Variants in KCND2 observed in about 807,000 individuals in gnomAD.
KCND2 encodes the protein potassium voltage-gated channel subfamily D member 2, also known as A-type voltage-gated potassium channel KCND2.
Under a neutral mutation model 54.4 loss-of-function variants are expected in KCND2, and 16 were observed. The observed-to-expected ratio is 0.29, with a 90% CI of 0.20 to 0.45. The LOEUF (loss-of-function observed/expected upper bound fraction) is 0.45, where lower values mean the gene tolerates loss of function less well. Ranked by LOEUF, KCND2 falls within the 20% of genes least tolerant of loss-of-function variation. The pLI is 1.00. For missense variants in KCND2, 486 were observed against 824.2 expected, an observed-to-expected ratio of 0.59 and a Z score of 5.02; for synonymous variants, 317 against 310.7, an observed-to-expected ratio of 1.02 and a Z score of -0.21.
Position 120,404,767 on chromosome 7 carries a change from G to T in KCND2, c.1115+129020G>T, listed in dbSNP as rs200287981. On this transcript the variant is annotated intron_variant, in intron 1 of 5. Coordinates refer to ENST00000331113, the MANE Select transcript of KCND2 (RefSeq NM_012281.3). ...TTCTCTTTGATTAGCACTGATTTTT[G>T]GGGGGGGACCTTTGTGAATTTGTCT... 7.1e-3 allele frequency among the ~76,000 whole-genome samples: 457 copies of T among 64,596 alleles called. 10 individuals are homozygous for T. The East Asian group carries it at 0.27, about 38-fold the overall frequency. The allele number at this position is 64,596 out of a possible 152,430, so 42.4% of individuals were successfully genotyped here.
intron 1 of KCND2, among the ~76,000 whole-genome samples, chr7:120,677,558 T>TATAGATATAGATAG (rs1554384992): frequency 0.018 from 2,602 of 143,860 alleles, 51 homozygotes; most frequent in African/African-American, 0.055. Context: ...GATATATAGA[T>TATAGATATAGATAG]ATATAGATAT....
At chr7:120,468,825 T>A (rs1213293785) in intron 1 of KCND2, among the ~76,000 whole-genome samples, 1 of 152,156 alleles carries the variant, frequency 6.6e-6, no homozygotes, top group Non-Finnish European at 1.5e-5. Context: ...CCTGGAAACC[T>A]GTCATAATGC....
In KCND2 at chr7:120,627,299, A is replaced by G. The variant is rs569355559; in HGVS notation, c.1116-105604A>G. 5.1e-4 allele frequency among the ~76,000 whole-genome samples: 77 copies of G among 152,290 alleles called. 1 individual carries two copies. The Middle Eastern group carries it at 0.01, about 20-fold the overall frequency. On this transcript the variant is annotated intron_variant, in intron 1 of 5. Transcript: ENST00000331113. ...TTAATATTCTACTTTCAATATAATT[A>G]TTTTTAAAATGAATATGAGAATAAA... is the stretch of plus-strand genomic sequence containing the variant.
intron 1 of KCND2, among the ~76,000 whole-genome samples, chr7:120,725,360 T>C (rs1187597170): frequency 2.6e-5 from 4 of 152,210 alleles, no homozygotes; most frequent in Non-Finnish European, 1.5e-5. Flanking sequence ...TACTTATCTT[T>C]GTAAAAGAAA....
At position 120,274,524 on chromosome 7, in the gene KCND2, C is replaced by T. The variant is rs957738675; in HGVS notation, c.-109C>T. On this transcript the variant is annotated 5_prime_UTR_variant, in exon 1 of 6. It adds an upstream start codon to the 5' untranslated region. Transcript: ENST00000331113. The stretch of plus-strand genomic sequence containing the variant: ...GAATAAGAGTTACACCTCTGGACCA[C>T]GTTTCTCACTAGTACTTTGCTTGAC... 11 of 1,258,708 alleles carry T rather than the reference C, an allele frequency of 8.7e-6. No homozygotes were observed. The highest frequency in any genetic ancestry group is 3.5e-6 in the Non-Finnish European group (3 of 859,154). 78.0% of individuals were successfully genotyped at this position (1,258,708 alleles called of 1,614,324 possible).
At chr7:120,578,039 G>T (rs1172454114) in intron 1 of KCND2, among the ~76,000 whole-genome samples, 1 of 34,438 alleles carries the variant, frequency 2.9e-5, no homozygotes, top group Non-Finnish European at 9.0e-5. Context: ...AGAAGGAGAA[G>T]AAGGAGAAGA....
chr7:120,637,346 T>C (rs1043709943), intron 1 of KCND2, among the ~76,000 whole-genome samples: 5 of 152,116 alleles, frequency 3.3e-5, no homozygotes, highest in South Asian at 4.1e-4. Context: ...ATCCAAAACT[T>C]CTTTGAATTC....
intron 1 of KCND2, among the ~76,000 whole-genome samples, chr7:120,310,987 G>C (rs1467791014): frequency 6.6e-6 from 1 of 150,962 alleles, no homozygotes; most frequent in Non-Finnish European, 1.5e-5. Flanking sequence ...TACATATATT[G>C]CTTGTATTTT....
intron 1 of KCND2, among the ~76,000 whole-genome samples, chr7:120,400,021 C>T (rs973977932): frequency 2.7e-4 from 41 of 152,008 alleles, no homozygotes; most frequent in Admixed American, 2.3e-3. Context: ...CCACCGCACC[C>T]GGCCTCTAAC....
intron 1 of KCND2, among the ~76,000 whole-genome samples, chr7:120,635,593 C>G (rs748330368): frequency 6.6e-6 from 1 of 152,162 alleles, no homozygotes; most frequent in African/African-American, 2.4e-5. Context: ...AGTAGATACT[C>G]TGAAACACAT....
At chr7:120,629,182 C>T (rs1201763961) in intron 1 of KCND2, among the ~76,000 whole-genome samples, 1 of 152,086 alleles carries the variant, frequency 6.6e-6, no homozygotes, top group Non-Finnish European at 1.5e-5. Flanking sequence ...AACTGCTCAG[C>T]GTATATGAGT....
chr7:120,461,880 C>T (rs1802288900), intron 1 of KCND2, among the ~76,000 whole-genome samples: 1 of 152,108 alleles, frequency 6.6e-6, no homozygotes, highest in African/African-American at 2.4e-5. Flanking sequence ...TTAGTAAATG[C>T]AAGAAATTTT....
At chr7:120,744,291 T>G (rs911043007) in intron 4 of KCND2, among the ~76,000 whole-genome samples, 1 of 151,838 alleles carries the variant, frequency 6.6e-6, no homozygotes, top group African/African-American at 2.4e-5. Flanking sequence ...TAAAATATTT[T>G]TATTCCTATC....
intron 1 of KCND2, among the ~76,000 whole-genome samples, chr7:120,610,079 T>A (rs1354001472): frequency 1.3e-5 from 2 of 152,150 alleles, no homozygotes; most frequent in Admixed American, 1.3e-4. Flanking sequence ...TTATCACATA[T>A]GTTATTATAT....
intron 2 of KCND2, among the ~76,000 whole-genome samples, chr7:120,740,448 T>C (rs2116171718): frequency 6.6e-6 from 1 of 152,194 alleles, no homozygotes; most frequent in Middle Eastern, 3.4e-3. Flanking sequence ...TACAGGAAAC[T>C]TATCTAAGCC....
At chr7:120,608,708 A>G (rs1413951492) in intron 1 of KCND2, among the ~76,000 whole-genome samples, 1 of 152,142 alleles carries the variant, frequency 6.6e-6, no homozygotes, top group East Asian at 1.9e-4. Flanking sequence ...CAACCACAGT[A>G]TAGTAATCAT....
chr7:120,405,255 A>C (rs1253030270), intron 1 of KCND2, among the ~76,000 whole-genome samples: 1 of 152,168 alleles, frequency 6.6e-6, no homozygotes, highest in African/African-American at 2.4e-5. Flanking sequence ...TTTCAATTTT[A>C]AAGCTAACAT....
At chr7:120,287,476 T>C (rs1432796237) in intron 1 of KCND2, among the ~76,000 whole-genome samples, 2 of 152,066 alleles carry the variant, frequency 1.3e-5, no homozygotes, top group Non-Finnish European at 2.9e-5. Context: ...ACATCAAATA[T>C]AAGAACCACT....
intron 2 of KCND2, among the ~76,000 whole-genome samples, chr7:120,737,974 C>A (rs1422065458): frequency 6.6e-6 from 1 of 151,954 alleles, no homozygotes; most frequent in African/African-American, 2.4e-5. Flanking sequence ...TTAAAGAAAT[C>A]AATGTCTCAG....
Sources: allele counts gnomAD v4.1 joint callset (sites outside exome capture counted in the v4.1 genomes callset), GRCh38; gene constraint gnomAD v4.1.1; transcripts MANE v1.5; gene names NCBI Gene and HGNC (gene_info 2026-07-23, HGNC 2026-07-21).